Variants in SV2C observed in about 807,000 individuals in gnomAD.
SV2C encodes the protein synaptic vesicle glycoprotein 2C.
Under a neutral mutation model 79.7 loss-of-function variants are expected in SV2C, and 49 were observed. That is an observed-to-expected ratio of 0.61 (90% CI 0.49 to 0.78). SV2C has a LOEUF of 0.78. Ranked by LOEUF, SV2C falls within the 30% of genes least tolerant of loss-of-function variation. The pLI is 0.00. For missense variants in SV2C, 833 were observed against 912.9 expected (o/e 0.91, Z 1.13); for synonymous variants, 334 against 333.2 (o/e 1.00, Z -0.03).
At chr5:76,338,048 G>A (rs534260861), downstream of SV2C, among the ~76,000 whole-genome samples, 27 of 152,334 alleles carry the variant, frequency 1.8e-4, no homozygotes, top group South Asian at 1.7e-3. Context: ...TACTGCTACT[G>A]CAATCCCTTT....
chr5:76,197,382 C>G (rs1336257177), intron 3 of SV2C, among the ~76,000 whole-genome samples: 2 of 152,118 alleles, frequency 1.3e-5, no homozygotes, highest in African/African-American at 4.8e-5. Flanking sequence ...AATTTCAAGT[C>G]TGGCCCATGC....
chr5:76,165,247 A>C (rs1383884278), intron 2 of SV2C, among the ~76,000 whole-genome samples: 1 of 152,240 alleles, frequency 6.6e-6, no homozygotes, highest in Non-Finnish European at 1.5e-5. Context: ...AATATCTTAC[A>C]TAACCTTAGT....
chr5:76,203,741 A>T lies in SV2C; in HGVS notation c.762-5995A>T, dbSNP rs184067901. 9.2e-5 allele frequency among the ~76,000 whole-genome samples: 14 copies of T among 152,292 alleles called. No homozygotes were observed. In the East Asian group the frequency reaches 2.5e-3, roughly 27 times the overall value. ...AGATCAATATTTTTTAAATAACCAA[A>T]TTTTCTACTCATTATTCTATTCATA... On this transcript the variant is annotated intron_variant, in intron 3 of 12. Transcript: ENST00000502798.
chr5:76,145,042 G>A (rs1749375964), intron 2 of SV2C, among the ~76,000 whole-genome samples: 1 of 152,172 alleles, frequency 6.6e-6, no homozygotes, highest in African/African-American at 2.4e-5. Context: ...CAGCCACCAG[G>A]GATTTTGTGG....
At chr5:75,919,502 G>GT in the SV2C span, among the ~76,000 whole-genome samples, 1 of 152,034 alleles carries the variant, frequency 6.6e-6, no homozygotes, top group Non-Finnish European at 1.5e-5. Context: ...GCTGGTTCCC[G>GT]TAACTTCCCC....
At chr5:75,944,940 T>C in the SV2C span, among the ~76,000 whole-genome samples, 1 of 152,060 alleles carries the variant, frequency 6.6e-6, no homozygotes, top group Non-Finnish European at 1.5e-5. Flanking sequence ...AAGGGGTCCC[T>C]GTTGCTCAAA....
chr5:76,151,144 G>T (rs1749591891), intron 2 of SV2C, among the ~76,000 whole-genome samples: 1 of 152,208 alleles, frequency 6.6e-6, no homozygotes. Context: ...TTTGAGCCAG[G>T]CTTCAAGTTG....
intron 1 of SV2C, among the ~76,000 whole-genome samples, chr5:76,101,276 C>T (rs1028794010): frequency 1.3e-5 from 2 of 152,104 alleles, no homozygotes; most frequent in Admixed American, 6.6e-5. Flanking sequence ...GCAGAAGTTA[C>T]CTTTATCGGA....
the SV2C span, among the ~76,000 whole-genome samples, chr5:75,899,939 T>C: frequency 6.6e-6 from 1 of 152,192 alleles, no homozygotes; most frequent in East Asian, 1.9e-4. Context: ...CTCCATCCTT[T>C]TATTTTGAGC....
intron 4 of SV2C, among the ~76,000 whole-genome samples, chr5:76,248,632 T>TG (rs987961950): frequency 6.6e-5 from 10 of 151,784 alleles, no homozygotes; most frequent in Non-Finnish European, 1.5e-5. Flanking sequence ...GATTTTTTTT[T>TG]TTTTTTGAGA....
At chr5:75,998,858 C>T in the SV2C span, among the ~76,000 whole-genome samples, 1 of 152,062 alleles carries the variant, frequency 6.6e-6, no homozygotes, top group East Asian at 1.9e-4. Context: ...TGTATATATA[C>T]ACACATATGT....
At chr5:75,867,799 T>C in the SV2C span, among the ~76,000 whole-genome samples, 1 of 152,180 alleles carries the variant, frequency 6.6e-6, no homozygotes, top group East Asian at 1.9e-4. Flanking sequence ...CCTTCCAGGG[T>C]CCTGTTTTTA....
At chr5:75,911,285 G>A in the SV2C span, 1 of 1,440,256 alleles carries the variant, frequency 6.9e-7, no homozygotes, top group Non-Finnish European at 9.7e-7. Flanking sequence ...CCATCACCAG[G>A]CAGAACCCTG....
At chr5:76,275,219 G>A (rs1746987027) in intron 4 of SV2C, among the ~76,000 whole-genome samples, 1 of 152,162 alleles carries the variant, frequency 6.6e-6, no homozygotes, top group African/African-American at 2.4e-5. Flanking sequence ...CAGGTGCAGT[G>A]GCTCACGCCT....
intron 4 of SV2C, among the ~76,000 whole-genome samples, chr5:76,233,073 A>T (rs1745480653): frequency 7.1e-6 from 1 of 141,768 alleles, no homozygotes; most frequent in Admixed American, 6.7e-5. Flanking sequence ...ACCCATGAGC[A>T]TGGAATGTTC....
chr5:76,103,839 A>G (rs987839887), intron 1 of SV2C, among the ~76,000 whole-genome samples: 1 of 152,226 alleles, frequency 6.6e-6, no homozygotes, highest in African/African-American at 2.4e-5. Flanking sequence ...ATATAGCAAA[A>G]GAGGATACAC....
intron 2 of SV2C, among the ~76,000 whole-genome samples, chr5:76,183,998 T>A (rs973544667): frequency 6.6e-6 from 1 of 152,232 alleles, no homozygotes; most frequent in Admixed American, 6.5e-5. Context: ...TGCATGTTTT[T>A]AATCTCCCAG....
chr5:76,150,773 G>A (rs1749581116), intron 2 of SV2C, among the ~76,000 whole-genome samples: 1 of 151,398 alleles, frequency 6.6e-6, no homozygotes, highest in Non-Finnish European at 1.5e-5. Context: ...GAGTAGCTGG[G>A]ACCACAGATG....
intron 4 of SV2C, among the ~76,000 whole-genome samples, chr5:76,276,109 G>A (rs1314106229): frequency 6.6e-6 from 1 of 152,126 alleles, no homozygotes; most frequent in Non-Finnish European, 1.5e-5. Context: ...TTCTGATTTT[G>A]TAGTGTAGGC....
Sources: gnomAD v4.1 joint callset for allele counts (sites outside exome capture counted in the v4.1 genomes callset) on GRCh38, gnomAD v4.1.1 for gene constraint, MANE v1.5 for transcripts, NCBI Gene and HGNC (gene_info 2026-07-23, HGNC 2026-07-21) for gene names.